The following OBI1 variants were observed in gnomAD, a reference collection of about 807,000 sequenced individuals.
The protein encoded by OBI1 is ring finger protein 219.
Under a neutral mutation model 62.4 loss-of-function variants are expected in OBI1, and 59 were observed. The ratio of observed to expected loss-of-function variants is 0.95; its 90% CI spans 0.77 to 1.17. The LOEUF is 1.17. Ranked by LOEUF, OBI1 falls within the 50% of genes most tolerant of loss-of-function variation. The pLI is 0.00. For synonymous variants in OBI1, 302 were observed against 292.8 expected, an observed-to-expected ratio of 1.03 and a Z score of -0.32; for missense variants, 875 against 830.9, an observed-to-expected ratio of 1.05 and a Z score of -0.65.
intron 1 of OBI1, among the ~76,000 whole-genome samples, chr13:78,654,915 T>A (rs1876653967): frequency 7.1e-6 from 1 of 140,870 alleles, no homozygotes; most frequent in South Asian, 2.4e-4. Flanking sequence ...TACATTCCAA[T>A]CCCAATTTCA....
chr13:78,616,827 G>A lies in OBI1; in HGVS notation c.934C>T (p.Leu312=), dbSNP rs375507435. 2 of 1,614,054 alleles carry A rather than the reference G, an allele frequency of 1.2e-6. No homozygotes were observed. Among genetic ancestry groups the A allele is most frequent in the Non-Finnish European group, 1.7e-6 (2 of 1,180,032 alleles). The part of the protein sequence containing the change: ...PGSSTSSSSH[L]AKPSSSRLCD... The stretch of plus-strand genomic sequence containing the variant: ...AGTCTGCTGCTGGAAGGCTTCGCTA[G>A]GTGAGAAGAACTGGAGGTGGATGAG... The change falls in exon 6 of 6, where the codon CTA becomes TTA. Residue 312 remains leucine, a synonymous_variant. Transcript: ENST00000282003.
chr13:78,638,740 G>T, intron 4 of OBI1, 83 bp downstream of exon 4: 1 of 1,241,166 alleles, frequency 8.1e-7, no homozygotes, highest in Non-Finnish European at 1.1e-6. Flanking sequence ...CTGATGATGA[G>T]TCAAGATAAT....
intron 1 of OBI1, among the ~76,000 whole-genome samples, chr13:78,655,078 CT>C (rs1299212203): frequency 6.6e-6 from 1 of 152,196 alleles, no homozygotes; most frequent in Non-Finnish European, 1.5e-5. Context: ...TGAGAATCTC[CT>C]TCACCCTTTC....
chr13:78,625,903 C>CAAGAAGGGACA (rs1875651427), intron 5 of OBI1, among the ~76,000 whole-genome samples: 1 of 152,154 alleles, frequency 6.6e-6, no homozygotes, highest in African/African-American at 2.4e-5. Context: ...CAGAATAGGT[C>CAAGAAGGGACA]AAGAAGGGAC....
At chr13:78,657,302 C>T (rs1269972918) in intron 1 of OBI1, among the ~76,000 whole-genome samples, 3 of 148,000 alleles carry the variant, frequency 2.0e-5, no homozygotes, top group Admixed American at 6.7e-5. Flanking sequence ...AAAAAAAACA[C>T]TAAAAATGCC....
chr13:78,635,720 T>C (rs1309643343), intron 4 of OBI1, among the ~76,000 whole-genome samples: 5 of 152,204 alleles, frequency 3.3e-5, no homozygotes. Context: ...TCACAACTTC[T>C]AGGGCCCTCA....
chr13:78,618,965 T>C (rs1011527805), intron 5 of OBI1, among the ~76,000 whole-genome samples: 8 of 152,202 alleles, frequency 5.3e-5, no homozygotes, highest in African/African-American at 1.7e-4. Flanking sequence ...TACTCTGGCA[T>C]AATCAAATAA....
At chr13:78,658,617 C>T (rs1181694632) in intron 1 of OBI1, among the ~76,000 whole-genome samples, 1 of 152,212 alleles carries the variant, frequency 6.6e-6, no homozygotes, top group Non-Finnish European at 1.5e-5. Flanking sequence ...AGAGGATGAA[C>T]ACTAGTTACA....
Position 78,638,837 on chromosome 13 carries a change from C to T in OBI1, c.535G>A (p.Asp179Asn), listed in dbSNP as rs936148581. 2.5e-6 allele frequency: 4 copies of T among 1,612,696 alleles called. No individual in the cohort carries two copies. The highest frequency in any genetic ancestry group is 1.7e-5 in the Admixed American group (1 of 59,858). Reference protein sequence around the residue: ...EIYEKVKDDVDKLKEANKKLK... With the variant: ...EIYEKVKDDVNKLKEANKKLK... Reference sequence around the variant, plus strand: ...CCACAACTTACCTCCTTTAGCTTATCCACATCATCTTTCACTTTTTCATAG... The same window carrying T: ...CCACAACTTACCTCCTTTAGCTTATTCACATCATCTTTCACTTTTTCATAG... The change falls in exon 4 of 6, where the codon GAT becomes AAT. Residue 179 changes from aspartate (D) to asparagine (N), a missense_variant. Physicochemically the swap from Asp to Asn is conservative, Grantham distance 23 (BLOSUM62 1). Coordinates refer to ENST00000282003, the MANE Select transcript of OBI1 (RefSeq NM_024546.4).
chr13:78,654,524 G>A (rs1475001830), intron 1 of OBI1, among the ~76,000 whole-genome samples: 1 of 152,168 alleles, frequency 6.6e-6, no homozygotes. Flanking sequence ...CAAGTGAACA[G>A]TGATTAATGA....
chr13:78,621,569 G>T (rs9601098), intron 5 of OBI1, among the ~76,000 whole-genome samples: 5 of 151,994 alleles, frequency 3.3e-5, no homozygotes, highest in Non-Finnish European at 7.4e-5. Context: ...GTGTAACAAA[G>T]AAATAAACAA....
intron 4 of OBI1, among the ~76,000 whole-genome samples, chr13:78,636,527 G>A (rs1244344586): frequency 6.6e-6 from 1 of 152,110 alleles, no homozygotes; most frequent in Admixed American, 6.5e-5. Flanking sequence ...ACCCACATAA[G>A]CTGCAGCACA....
At chr13:78,621,132 G>C (rs1460113115) in intron 5 of OBI1, among the ~76,000 whole-genome samples, 9 of 152,290 alleles carry the variant, frequency 5.9e-5, no homozygotes, top group African/African-American at 2.2e-4. Flanking sequence ...CTTTGGACCT[G>C]GACCAGCTTT....
intron 5 of OBI1, 169 bp from the exon 6 acceptor site, chr13:78,617,291 C>A: frequency 2.0e-6 from 1 of 503,916 alleles, no homozygotes; most frequent in Non-Finnish European, 3.4e-6. Context: ...ATGGTTTCCC[C>A]ACTTACATAA....
chr13:78,625,935 C>A (rs553852821), intron 5 of OBI1, among the ~76,000 whole-genome samples: 2 of 152,328 alleles, frequency 1.3e-5, no homozygotes, highest in East Asian at 3.9e-4. Context: ...CCAGCCAGAC[C>A]AGCAGTGTTG....
rs1383166824 is a variant in OBI1, at chr13:78,615,994, T to TA, written c.1766dup (p.Asn590LysfsTer9). The TA allele has an allele frequency of 6.2e-7, 1 of 1,614,164 alleles. No homozygotes were observed. Among genetic ancestry groups the TA allele is most frequent in the Non-Finnish European group, 8.5e-7 (1 of 1,180,030 alleles). ...TAGTTAGAGAACCTTTGGAAAGGTT[T>TA]AGCTCAGTTTTTTCTTCCAACTTAT... On this transcript the variant is annotated frameshift_variant, in exon 6 of 6. Coordinates refer to ENST00000282003, the MANE Select transcript of OBI1 (RefSeq NM_024546.4). LOFTEE classifies it high-confidence loss of function.
At chr13:78,632,345 T>C (rs935698696) in intron 5 of OBI1, among the ~76,000 whole-genome samples, 2 of 152,176 alleles carry the variant, frequency 1.3e-5, no homozygotes, top group Non-Finnish European at 2.9e-5. Flanking sequence ...AAAATAAATC[T>C]GTTGTTCAAG....
At chr13:78,640,782 C>T (rs1432059147) in intron 3 of OBI1, among the ~76,000 whole-genome samples, 1 of 152,142 alleles carries the variant, frequency 6.6e-6, no homozygotes, top group Non-Finnish European at 1.5e-5. Flanking sequence ...GCCTGGGTGA[C>T]AGAATGAGAT....
intron 2 of OBI1, among the ~76,000 whole-genome samples, chr13:78,644,009 A>G (rs1477219809): frequency 6.6e-6 from 1 of 152,210 alleles, no homozygotes; most frequent in Non-Finnish European, 1.5e-5. Context: ...GGCTCTTTAG[A>G]AGTTCTCCTT....
Sources: allele counts gnomAD v4.1 joint callset (sites outside exome capture counted in the v4.1 genomes callset), GRCh38; gene constraint gnomAD v4.1.1; transcripts MANE v1.5; gene names NCBI Gene and HGNC (gene_info 2026-07-23, HGNC 2026-07-21).